Variants in DNAH14 observed in about 807,000 individuals in gnomAD.
The protein encoded by DNAH14 is axonemal beta dynein heavy chain 14.
DNAH14 carries 478 observed loss-of-function variants against 520.9 expected under a neutral mutation model. The observed-to-expected ratio is 0.92, with a 90% confidence interval of 0.85 to 0.99. The LOEUF (loss-of-function observed/expected upper bound fraction) is 0.99. Among genes scored for constraint, DNAH14 ranks in the 50% least tolerant of loss-of-function variants. The pLI is 0.00. For missense variants in DNAH14, 4,831 were observed against 5,234.5 expected, an observed-to-expected ratio of 0.92 and a Z score of 2.38; for synonymous variants, 1,581 against 1,757.2, an observed-to-expected ratio of 0.90 and a Z score of 2.51.
At chr1:225,097,779 A>T (rs1475996013) in intron 22 of DNAH14, among the ~76,000 whole-genome samples, 1 of 152,188 alleles carries the variant, frequency 6.6e-6, no homozygotes, top group South Asian at 2.1e-4. Flanking sequence ...GTATAAAAAA[A>T]AAAAAGTGTC....
intron 42 of DNAH14, among the ~76,000 whole-genome samples, chr1:225,234,477 T>G (rs989913865): frequency 6.6e-6 from 1 of 152,116 alleles, no homozygotes; most frequent in Non-Finnish European, 1.5e-5. Flanking sequence ...CGTGAGCCAC[T>G]GTGCCTGGCC....
At chr1:224,973,787 CA>C in intron 7 of DNAH14, among the ~76,000 whole-genome samples, 1 of 152,066 alleles carries the variant, frequency 6.6e-6, no homozygotes, top group Middle Eastern at 3.5e-3. Context: ...CGAAGTAAGC[CA>C]ATAAACATAT....
At position 225,144,480 on chromosome 1, in the gene DNAH14, A is replaced by T; in HGVS notation, c.4592A>T (p.Tyr1531Phe). Reference sequence around the variant, plus strand: ...GCCAGCTTTACTTATGGCTATGAGTACTTGGGCTGTACCTCAAGATTGGTT... The same window carrying T: ...GCCAGCTTTACTTATGGCTATGAGTTCTTGGGCTGTACCTCAAGATTGGTT... The part of the protein sequence containing the change: ...GNASFTYGYE[Y>F]LGCTSRLVIT... The change falls in exon 29 of 86, where the codon TAC (tyrosine) becomes TTC (phenylalanine). Residue 1531 changes from tyrosine to phenylalanine, a missense_variant. By Grantham distance (22) the Tyr-to-Phe change is conservative. Transcript: ENST00000682510. The T allele has an allele frequency of 6.4e-7, 1 of 1,551,668 alleles. No homozygotes were observed. Among genetic ancestry groups the T allele is most frequent in the East Asian group, 2.4e-5 (1 of 40,912 alleles).
At chr1:225,260,921 T>C (rs755152984) in intron 46 of DNAH14, among the ~76,000 whole-genome samples, 7 of 152,176 alleles carry the variant, frequency 4.6e-5, no homozygotes, top group African/African-American at 9.6e-5. Flanking sequence ...GTAAATGGAA[T>C]TGTTTTCTTT....
chr1:225,324,614 A>G (rs2094617811), intron 63 of DNAH14, 123 bp from the exon 64 acceptor site: 5 of 989,848 alleles, frequency 5.1e-6, no homozygotes, highest in Middle Eastern at 2.1e-4. Context: ...CCACATATAC[A>G]TATAGTTCTA....
At chr1:225,367,725 T>A in intron 76 of DNAH14, 80 bp from the exon 77 acceptor site, 1 of 924,522 alleles carries the variant, frequency 1.1e-6, no homozygotes, top group Non-Finnish European at 1.6e-6. Flanking sequence ...CTTTTACCAG[T>A]GTTGTAGAAA....
At chr1:225,204,838 C>T (rs1382806557) in intron 39 of DNAH14, among the ~76,000 whole-genome samples, 1 of 152,176 alleles carries the variant, frequency 6.6e-6, no homozygotes, top group Non-Finnish European at 1.5e-5. Flanking sequence ...ATGATCCAGA[C>T]TTTAAAAGAG....
chr1:225,033,463 C>T (rs974911318), intron 11 of DNAH14, among the ~76,000 whole-genome samples: 1 of 152,142 alleles, frequency 6.6e-6, no homozygotes, highest in African/African-American at 2.4e-5. Context: ...CAGTACCATT[C>T]TCTTTTGGTC....
intron 41 of DNAH14, among the ~76,000 whole-genome samples, chr1:225,217,808 C>G (rs1475079652): frequency 6.6e-6 from 1 of 152,152 alleles, no homozygotes; most frequent in East Asian, 1.9e-4. Context: ...GTCACGGCTT[C>G]CCTTTGCTAG....
intron 10 of DNAH14, among the ~76,000 whole-genome samples, chr1:225,022,689 T>TC (rs1323541811): frequency 6.6e-6 from 1 of 152,102 alleles, no homozygotes; most frequent in Non-Finnish European, 1.5e-5. Context: ...TGTGGAGACT[T>TC]CTCAAAGAAC....
intron 23 of DNAH14, among the ~76,000 whole-genome samples, chr1:225,113,212 A>G (rs2076611055): frequency 6.6e-6 from 1 of 152,226 alleles, no homozygotes; most frequent in Non-Finnish European, 1.5e-5. Flanking sequence ...CCCAAAGCTC[A>G]GTAATGCTGT....
chr1:225,192,592 G>T, intron 37 of DNAH14, 104 bp from the exon 38 acceptor site: 3 of 704,712 alleles, frequency 4.3e-6, no homozygotes, highest in Non-Finnish European at 6.7e-6. Flanking sequence ...TCTTTTTTTG[G>T]TGTGAAAGGT....
chr1:225,245,880 T>G (rs984105893), intron 43 of DNAH14, among the ~76,000 whole-genome samples: 1 of 151,986 alleles, frequency 6.6e-6, no homozygotes, highest in African/African-American at 2.4e-5. Flanking sequence ...CTACTTTAAA[T>G]TTCATATGGA....
intron 35 of DNAH14, among the ~76,000 whole-genome samples, chr1:225,160,699 T>C (rs1332684503): frequency 6.6e-6 from 1 of 152,184 alleles, no homozygotes; most frequent in Non-Finnish European, 1.5e-5. Flanking sequence ...TTAAGATTCT[T>C]TCAGTTTCAT....
intron 54 of DNAH14, among the ~76,000 whole-genome samples, chr1:225,280,513 G>T (rs1156808998): frequency 6.6e-6 from 1 of 151,804 alleles, no homozygotes; most frequent in Non-Finnish European, 1.5e-5. Context: ...GCAGGAGAAT[G>T]ATGTGAACCT....
intron 60 of DNAH14, among the ~76,000 whole-genome samples, chr1:225,309,965 A>G (rs534895602): frequency 1.6e-3 from 236 of 152,178 alleles, no homozygotes; most frequent in Non-Finnish European, 2.8e-3. Context: ...AGCATGGCAC[A>G]TGTATACATA....
intron 51 of DNAH14, among the ~76,000 whole-genome samples, chr1:225,272,614 A>G (rs889277921): frequency 3.3e-5 from 5 of 152,200 alleles, no homozygotes; most frequent in African/African-American, 1.2e-4. Context: ...GAATGTTAAA[A>G]CATATAAACA....
intron 76 of DNAH14, among the ~76,000 whole-genome samples, chr1:225,367,133 T>C (rs916856350): frequency 1.3e-5 from 2 of 149,312 alleles, no homozygotes; most frequent in African/African-American, 4.9e-5. Context: ...TGTTTATATA[T>C]ATAAACTGTG....
chr1:225,335,837 ATG>A (rs555327640), intron 66 of DNAH14, among the ~76,000 whole-genome samples: 21,320 of 108,852 alleles, frequency 0.2, 2,806 homozygotes, highest in East Asian at 0.28. Context: ...ATGTACATAT[ATG>A]TACATACACA....
Sources: allele counts gnomAD v4.1 joint callset (sites outside exome capture counted in the v4.1 genomes callset), GRCh38; gene constraint gnomAD v4.1.1; transcripts MANE v1.5; gene names NCBI Gene and HGNC (gene_info 2026-07-23, HGNC 2026-07-21).